The following AFG2A variants were observed in gnomAD, a reference collection of about 807,000 sequenced individuals.
AFG2A encodes the protein ATPase family gene 2 protein homolog A.
chr4:122,934,444 G>A, the AFG2A span: 2 of 1,614,242 alleles, frequency 1.2e-6, no homozygotes, highest in East Asian at 4.5e-5. Context: ...TATGCTAGAG[G>A]AAGTCACAGG....
At chr4:123,121,251 A>T in the AFG2A span, among the ~76,000 whole-genome samples, 3 of 78,126 alleles carry the variant, frequency 3.8e-5, no homozygotes, top group Non-Finnish European at 1.1e-4. Context: ...CAAAAAGTAA[A>T]AAAAAAAAAT....
the AFG2A span, among the ~76,000 whole-genome samples, chr4:123,089,131 G>A: frequency 1.3e-5 from 2 of 152,134 alleles, no homozygotes; most frequent in Non-Finnish European, 2.9e-5. Flanking sequence ...AACCTCATGT[G>A]CATTTGATTA....
chr4:123,115,351 C>CG, the AFG2A span, among the ~76,000 whole-genome samples: 1 of 152,044 alleles, frequency 6.6e-6, no homozygotes. Context: ...GTCGGTGGCC[C>CG]GGGCTGAGCC....
At chr4:123,260,239 A>G in the AFG2A span, 1 of 152,240 alleles carries the variant, frequency 6.6e-6, no homozygotes, top group Non-Finnish European at 1.5e-5. Flanking sequence ...TTTTTAAAGC[A>G]ATTCATTAGA....
chr4:123,090,839 C>T, the AFG2A span: 1 of 1,221,192 alleles, frequency 8.2e-7, no homozygotes, highest in South Asian at 1.6e-5. Context: ...AAAGCAGGTT[C>T]ACTGTGGACT....
chr4:122,945,301 C>T, the AFG2A span, among the ~76,000 whole-genome samples: 7 of 152,350 alleles, frequency 4.6e-5, no homozygotes, highest in South Asian at 1.2e-3. Context: ...CCAGTTCAAG[C>T]TTCCGGGCTG....
chr4:123,312,869 G>T, the AFG2A span, among the ~76,000 whole-genome samples: 1 of 152,204 alleles, frequency 6.6e-6, no homozygotes, highest in Non-Finnish European at 1.5e-5. Context: ...AACTGCTTTG[G>T]CAGCCATTAG....
the AFG2A span, among the ~76,000 whole-genome samples, chr4:122,972,366 A>G: frequency 6.6e-6 from 1 of 151,932 alleles, no homozygotes; most frequent in African/African-American, 2.4e-5. Context: ...TTTCATTCCT[A>G]GTATTGGAAA....
At chr4:123,230,563 C>G in the AFG2A span, among the ~76,000 whole-genome samples, 1 of 151,830 alleles carries the variant, frequency 6.6e-6, no homozygotes, top group South Asian at 2.1e-4. Context: ...TCTTCCACAC[C>G]CCTGTTAATG....
chr4:123,233,279 GCACA>G, the AFG2A span, among the ~76,000 whole-genome samples: 4 of 147,100 alleles, frequency 2.7e-5, no homozygotes, highest in African/African-American at 4.9e-5. Flanking sequence ...ACACACACAC[GCACA>G]CACACACACA....
the AFG2A span, among the ~76,000 whole-genome samples, chr4:123,227,441 T>C: frequency 2.6e-5 from 4 of 152,236 alleles, no homozygotes; most frequent in African/African-American, 9.6e-5. Context: ...AAAGAACATC[T>C]GTATTTCTGC....
chr4:122,949,381 T>C, the AFG2A span, among the ~76,000 whole-genome samples: 1 of 152,132 alleles, frequency 6.6e-6, no homozygotes, highest in Non-Finnish European at 1.5e-5. Flanking sequence ...TGAGGTGCTG[T>C]TGTCGCTGAA....
chr4:123,249,121 G>A, the AFG2A span, among the ~76,000 whole-genome samples: 1 of 152,132 alleles, frequency 6.6e-6, no homozygotes, highest in African/African-American at 2.4e-5. Flanking sequence ...CAAATTACAA[G>A]TTTAAAATTC....
the AFG2A span, among the ~76,000 whole-genome samples, chr4:123,309,317 G>T: frequency 6.6e-6 from 1 of 152,158 alleles, no homozygotes; most frequent in East Asian, 1.9e-4. Flanking sequence ...AACAGATTTG[G>T]TGTCTGGTGA....
the AFG2A span, among the ~76,000 whole-genome samples, chr4:123,227,088 G>T: frequency 1.3e-5 from 2 of 151,970 alleles, no homozygotes; most frequent in Admixed American, 6.6e-5. Flanking sequence ...GCATCTATTT[G>T]ATTCTTCTCT....
the AFG2A span, among the ~76,000 whole-genome samples, chr4:123,015,846 G>A: frequency 2.1e-5 from 1 of 48,546 alleles, no homozygotes; most frequent in African/African-American, 4.5e-5. Flanking sequence ...TGGGGCGGCT[G>A]GCCGGGCGGG....
chr4:123,040,008 A>G, the AFG2A span, among the ~76,000 whole-genome samples: 5 of 152,092 alleles, frequency 3.3e-5, no homozygotes, highest in East Asian at 9.7e-4. Context: ...TTTTATGTTA[A>G]TGAATTTTTA....
the AFG2A span, among the ~76,000 whole-genome samples, chr4:123,195,121 C>T: frequency 6.6e-6 from 1 of 152,116 alleles, no homozygotes; most frequent in East Asian, 1.9e-4. Context: ...TCTCTCATCA[C>T]TAAGACAACA....
At chr4:122,964,018 T>C in the AFG2A span, among the ~76,000 whole-genome samples, 2 of 152,126 alleles carry the variant, frequency 1.3e-5, no homozygotes, top group Non-Finnish European at 2.9e-5. Flanking sequence ...GGCATACAAA[T>C]TGTACTCTAA....
Sources: gnomAD v4.1 joint callset for allele counts (sites outside exome capture counted in the v4.1 genomes callset) on GRCh38, gnomAD v4.1.1 for gene constraint, MANE v1.5 for transcripts, NCBI Gene and HGNC (gene_info 2026-07-23, HGNC 2026-07-21) for gene names.